The following SERGEF variants were observed in gnomAD, a reference collection of about 807,000 sequenced individuals.
The protein encoded by SERGEF is secretion regulating guanine nucleotide exchange factor, also known as secretion-regulating guanine nucleotide exchange factor.
Under a neutral mutation model 50.0 loss-of-function variants are expected in SERGEF, and 51 were observed. That is an observed-to-expected ratio of 1.02 (90% CI 0.81 to 1.29). The LOEUF (loss-of-function observed/expected upper bound fraction) is 1.29, where lower values mean the gene tolerates loss of function less well. Among genes scored for constraint, SERGEF ranks in the 50% most tolerant of loss-of-function variants. The pLI is 0.00. For synonymous variants in SERGEF, 205 were observed against 212.4 expected, an observed-to-expected ratio of 0.97 and a Z score of 0.30; for missense variants, 521 against 557.0, an observed-to-expected ratio of 0.94 and a Z score of 0.65.
At chr11:17,895,301 T>C (rs1472574985) in intron 9 of SERGEF, among the ~76,000 whole-genome samples, 1 of 152,198 alleles carries the variant, frequency 6.6e-6, no homozygotes, top group Non-Finnish European at 1.5e-5. Flanking sequence ...ATAATGAAGA[T>C]AAGATGTGAC....
chr11:17,913,330 A>T (rs1408589978), intron 9 of SERGEF, among the ~76,000 whole-genome samples: 1 of 152,234 alleles, frequency 6.6e-6, no homozygotes, highest in East Asian at 1.9e-4. Flanking sequence ...AGCTGTTTAT[A>T]AATGAGCGTC....
At chr11:17,791,134 G>A (rs549939578) in intron 10 of SERGEF, among the ~76,000 whole-genome samples, 5 of 152,272 alleles carry the variant, frequency 3.3e-5, no homozygotes, top group African/African-American at 1.2e-4. Flanking sequence ...TACCTATTAT[G>A]AAGATTAAAC....
intron 9 of SERGEF, among the ~76,000 whole-genome samples, chr11:17,889,200 G>C (rs1363774702): frequency 1.3e-5 from 2 of 152,142 alleles, no homozygotes; most frequent in Non-Finnish European, 2.9e-5. Context: ...AGTCTGAAGA[G>C]GAAAAGGGTA....
chr11:17,945,634 T>C (rs1316798410), intron 9 of SERGEF, among the ~76,000 whole-genome samples: 1 of 152,148 alleles, frequency 6.6e-6, no homozygotes, highest in African/African-American at 2.4e-5. Context: ...GATTTTAATG[T>C]TATTGTTGTG....
At chr11:18,000,851 G>C (rs1317595705) in intron 4 of SERGEF, 4 of 549,208 alleles carry the variant, frequency 7.3e-6, no homozygotes, top group African/African-American at 5.6e-5. Context: ...TAAAGGGACA[G>C]TTAGTAAATG....
chr11:18,013,039 A>C lies in SERGEF; in HGVS notation c.-29T>G. 7.4e-7 allele frequency: 1 copy of C among 1,346,706 alleles called. No homozygotes were observed. 83.4% of individuals were successfully genotyped at this position (1,346,706 alleles called of 1,614,324 possible). A position where few individuals can be genotyped will look rare whatever the true frequency, so the allele number is the denominator to read the frequency against. On this transcript the variant is annotated 5_prime_UTR_variant, in exon 1 of 11. Coordinates refer to ENST00000265965, the MANE Select transcript of SERGEF (RefSeq NM_012139.4). The surrounding 1 kb of genome is among the most constrained non-coding windows in gnomAD (Gnocchi z 4.3). Reference sequence around the variant, plus strand: ...AGGACGCTCCGCCGGCGCTTCCGGGAGGGACGGCACGGGGGCGGCGCCTGC... The same window carrying C: ...AGGACGCTCCGCCGGCGCTTCCGGGCGGGACGGCACGGGGGCGGCGCCTGC...
intron 6 of SERGEF, among the ~76,000 whole-genome samples, 190 bp from the exon 7 acceptor site, chr11:17,993,183 A>C (rs1164259286): frequency 6.6e-6 from 1 of 152,216 alleles, no homozygotes; most frequent in Non-Finnish European, 1.5e-5. Context: ...GAGATTGAAC[A>C]ATCAAGTAAA....
Position 17,869,590 on chromosome 11 carries a change from C to A in SERGEF, c.1048+8618G>T, listed in dbSNP as rs539466221. Among the ~76,000 whole-genome samples the A allele has an allele frequency of 2.6e-5, 4 of 152,278 alleles. No homozygotes were observed. In the South Asian group the frequency reaches 8.3e-4, roughly 32 times the overall value. On this transcript the variant is annotated intron_variant, in intron 10 of 10. Coordinates refer to ENST00000265965, the MANE Select transcript of SERGEF (RefSeq NM_012139.4). ...GTCCTCACATGGCAAAAGGGGTGAA[C>A]AAGCTCCCTTGGACCTCTTTTATAA... is the stretch of plus-strand genomic sequence containing the variant.
chr11:18,003,101 G>A (rs1045395502), intron 4 of SERGEF, among the ~76,000 whole-genome samples: 1 of 152,176 alleles, frequency 6.6e-6, no homozygotes, highest in African/African-American at 2.4e-5. Context: ...ACCATGACCC[G>A]AAATAACAGT....
chr11:17,832,597 G>A (rs1310426835), intron 10 of SERGEF, among the ~76,000 whole-genome samples: 5 of 152,192 alleles, frequency 3.3e-5, no homozygotes, highest in African/African-American at 1.2e-4. Context: ...GGAGGGCTCA[G>A]AAGAAGACAG....
At chr11:18,010,094 G>A (rs1251757624) in intron 1 of SERGEF, 5 of 1,252,852 alleles carry the variant, frequency 4.0e-6, no homozygotes, top group Non-Finnish European at 5.2e-6. Flanking sequence ...GTTCTTCCTG[G>A]AGATGAGAAG....
rs1410273248 is a variant in SERGEF at position 17,959,550 on chromosome 11, T to C, written c.931A>G (p.Lys311Glu). ...GAACAGGGGAGAAATGAATCTTGCTTTTCTAGTTTCCAGCCTTCATAAGTC... is the reference window on the plus strand; with the variant it reads ...GAACAGGGGAGAAATGAATCTTGCTCTTCTAGTTTCCAGCCTTCATAAGTC... ...LETYEGWKLEKQDSFLPCSRP... is the reference protein window; with the variant it reads ...LETYEGWKLEEQDSFLPCSRP... Residue 311 changes from lysine to glutamate, a missense_variant, in exon 9 of 11, where the codon AAG (lysine) becomes GAG (glutamate). Coordinates refer to ENST00000265965, the MANE Select transcript of SERGEF (RefSeq NM_012139.4). 6.2e-7 allele frequency: 1 copy of C among 1,614,142 alleles called. No homozygotes were observed. Among genetic ancestry groups the C allele is most frequent in the East Asian group, 2.2e-5 (1 of 44,876 alleles).
chr11:17,933,797 T>C (rs1311787166), intron 9 of SERGEF, among the ~76,000 whole-genome samples: 1 of 152,194 alleles, frequency 6.6e-6, no homozygotes, highest in Non-Finnish European at 1.5e-5. Context: ...CTCAGTGTTG[T>C]TGAATCCCTA....
At chr11:18,010,198 T>A in intron 1 of SERGEF, 1 of 636,106 alleles carries the variant, frequency 1.6e-6, no homozygotes, top group South Asian at 1.8e-5. Flanking sequence ...CATACTTACA[T>A]ACATACATAC....
intron 9 of SERGEF, among the ~76,000 whole-genome samples, chr11:17,882,165 C>A (rs1851342570): frequency 6.6e-6 from 1 of 152,150 alleles, no homozygotes; most frequent in Non-Finnish European, 1.5e-5. Context: ...TGTGTAATCC[C>A]AGCACTTTGG....
intron 10 of SERGEF, among the ~76,000 whole-genome samples, chr11:17,858,439 G>A (rs568898371): frequency 1.1e-4 from 16 of 152,196 alleles, no homozygotes; most frequent in African/African-American, 3.9e-4. Context: ...CAACAACTAA[G>A]CATATACACC....
intron 10 of SERGEF, among the ~76,000 whole-genome samples, chr11:17,868,188 GCT>G (rs533487534): frequency 1.1e-3 from 164 of 152,198 alleles, no homozygotes; most frequent in Non-Finnish European, 1.7e-3. Context: ...GAAACTTTAT[GCT>G]CTGTTTCCCT....
At chr11:17,977,646 A>T (rs551682) in intron 8 of SERGEF, among the ~76,000 whole-genome samples, 1 of 152,034 alleles carries the variant, frequency 6.6e-6, no homozygotes, top group Non-Finnish European at 1.5e-5. Flanking sequence ...CATCAAATTC[A>T]TATGTTGAAA....
At chr11:17,920,958 T>C (rs929010318) in intron 9 of SERGEF, among the ~76,000 whole-genome samples, 2 of 152,216 alleles carry the variant, frequency 1.3e-5, no homozygotes, top group African/African-American at 4.8e-5. Context: ...CAGGGGAATG[T>C]ATTTAACAAA....
Sources: gnomAD v4.1 joint callset for allele counts (sites outside exome capture counted in the v4.1 genomes callset) on GRCh38, gnomAD v4.1.1 for gene constraint, Gnocchi (gnomAD v3.1) non-coding constraint, MANE v1.5 for transcripts, NCBI Gene and HGNC (gene_info 2026-07-23, HGNC 2026-07-21) for gene names.